Variants in ANKRD11 observed in about 807,000 individuals in gnomAD.
ANKRD11 encodes the protein ankyrin repeat domain 11.
Under a neutral mutation model 195.7 loss-of-function variants are expected in ANKRD11, and 17 were observed. The observed-to-expected ratio is 0.09, with a 90% CI of 0.06 to 0.13. The LOEUF (loss-of-function observed/expected upper bound fraction) is 0.13. Among genes scored for constraint, ANKRD11 ranks in the 10% least tolerant of loss-of-function variants. The pLI, the probability that ANKRD11 is intolerant of heterozygous loss-of-function variation, is 1.00. For synonymous variants in ANKRD11, 1,953 were observed against 1,528.1 expected (o/e 1.28, Z -6.49); for missense variants, 3,735 against 3,566.1 (o/e 1.05, Z -1.21).
At chr16:89,307,022 G>C (rs1227689899) in intron 3 of ANKRD11, among the ~76,000 whole-genome samples, 1 of 150,816 alleles carries the variant, frequency 6.6e-6, no homozygotes, top group Non-Finnish European at 1.5e-5. Context: ...GGAGGGGGCA[G>C]TGTGACACAC....
At chr16:89,355,306 A>G (rs998713267) in intron 2 of ANKRD11, among the ~76,000 whole-genome samples, 1 of 152,108 alleles carries the variant, frequency 6.6e-6, no homozygotes, top group Non-Finnish European at 1.5e-5. Flanking sequence ...AGGCGGGCGG[A>G]CGGCTCACAC....
intron 1 of ANKRD11, among the ~76,000 whole-genome samples, chr16:89,484,622 T>A (rs2057546345): frequency 6.6e-6 from 1 of 152,030 alleles, no homozygotes; most frequent in African/African-American, 2.4e-5. Context: ...AGAAAAGAGG[T>A]TTATTTGCTA....
intron 1 of ANKRD11, among the ~76,000 whole-genome samples, chr16:89,459,766 G>C (rs1050307877): frequency 2.2e-4 from 34 of 151,974 alleles, no homozygotes; most frequent in African/African-American, 8.2e-4. Context: ...CCAGCCCCAT[G>C]TCTACAAACA....
chr16:89,445,279 T>C (rs2043733989), intron 1 of ANKRD11, among the ~76,000 whole-genome samples: 1 of 152,252 alleles, frequency 6.6e-6, no homozygotes, highest in Admixed American at 6.5e-5. Context: ...AGCTGTTTTC[T>C]TTAACTAATA....
At position 89,345,773 on chromosome 16, in the gene ANKRD11, T is replaced by C. The variant is rs76458875; in HGVS notation, c.-59-28695A>G. On this transcript the variant is annotated intron_variant, in intron 2 of 12. Coordinates refer to ENST00000301030, the MANE Select transcript of ANKRD11 (RefSeq NM_013275.6). ...CCAGGTGCATGCTGTGCACACCAGG[T>C]ACATGCTGTGCACACCAGGCTGGGC... Among the ~76,000 whole-genome samples the C allele has an allele frequency of 9.0e-3, 1,363 of 152,232 alleles. 24 individuals are homozygous for C. Among genetic ancestry groups the C allele is most frequent in the African/African-American group, 0.031 (1,305 of 41,528 alleles).
Position 89,283,919 on chromosome 16 carries a change from T to C in ANKRD11, c.2623A>G (p.Lys875Glu), listed in dbSNP as rs1437461434. The change falls in exon 9 of 13, where the codon AAG becomes GAG. Residue 875 changes from lysine (K) to glutamate (E), a missense_variant. Lys to Glu is a moderately conservative substitution (Grantham distance 56, BLOSUM62 1). Coordinates refer to ENST00000301030, the MANE Select transcript of ANKRD11 (RefSeq NM_013275.6). The surrounding 1 kb of genome is among the most constrained non-coding windows in gnomAD (Gnocchi z 4.3). ...TCCTTCACCGTCTCCAAGATGAGCT[T>C]GGCCACAGAGTCGCTCTTCATGTCC... ...YRDMKSDSVA[K>E]LILETVKEDS... 1.2e-6 allele frequency: 2 copies of C among 1,614,160 alleles called. No individual in the cohort carries two copies. The highest frequency in any genetic ancestry group is 1.7e-6 in the Non-Finnish European group (2 of 1,180,038).
Position 89,290,682 on chromosome 16 carries a change from G to A in ANKRD11, c.544C>T (p.Arg182Trp), listed in dbSNP as rs775895222. ...LHRAAIRGDARRIKELISEGA... is the reference protein window; with the variant it reads ...LHRAAIRGDAWRIKELISEGA... Reference sequence around the variant, plus strand: ...TCGCTGATGAGCTCTTTGATGCGCCGGGCGTCCCCGCGGATGGCGGCTCGG... The same window carrying A: ...TCGCTGATGAGCTCTTTGATGCGCCAGGCGTCCCCGCGGATGGCGGCTCGG... The change falls in exon 6 of 13, where the codon CGG becomes TGG. Residue 182 changes from arginine (R) to tryptophan (W), a missense_variant. Coordinates refer to ENST00000301030, the MANE Select transcript of ANKRD11 (RefSeq NM_013275.6). 14 of 1,613,824 alleles carry A rather than the reference G, an allele frequency of 8.7e-6. No homozygotes were observed. The highest frequency in any genetic ancestry group is 5.3e-5 in the African/African-American group (4 of 74,916).
At chr16:89,459,034 G>T (rs116068457) in intron 1 of ANKRD11, 15 of 158,464 alleles carry the variant, frequency 9.5e-5, no homozygotes, top group Non-Finnish European at 1.4e-5. Context: ...TACTAAACAA[G>T]GGAAGACTGT....
At chr16:89,393,314 A>G (rs376052354) in intron 2 of ANKRD11, among the ~76,000 whole-genome samples, 1 of 139,280 alleles carries the variant, frequency 7.2e-6, no homozygotes, top group Non-Finnish European at 1.6e-5. Flanking sequence ...TTTTATTTTT[A>G]TTTTTTTTTT....
rs539400923 is a variant in ANKRD11, at chr16:89,469,141, C to T, written c.-145+21104G>A. Among the ~76,000 whole-genome samples, 3 of 151,922 alleles carry T rather than the reference C, an allele frequency of 2.0e-5. No individual in the cohort carries two copies. The South Asian group carries it at 6.3e-4, about 32-fold the overall frequency. ...GAGCCTGCAGTGAGCCACCACTGCACTGCACTTCAGCTTGGGCCACAGGGC... is the reference window on the plus strand; with the variant it reads ...GAGCCTGCAGTGAGCCACCACTGCATTGCACTTCAGCTTGGGCCACAGGGC... On this transcript the variant is annotated intron_variant, in intron 1 of 12. Transcript: ENST00000301030.
At chr16:89,379,115 C>T (rs186490775) in intron 2 of ANKRD11, among the ~76,000 whole-genome samples, 8 of 152,334 alleles carry the variant, frequency 5.3e-5, no homozygotes, top group Non-Finnish European at 1.0e-4. Flanking sequence ...CCAGGAAGGC[C>T]TTTCTCACTG....
chr16:89,348,816 T>G (rs2039061212), intron 2 of ANKRD11, among the ~76,000 whole-genome samples: 1 of 151,708 alleles, frequency 6.6e-6, no homozygotes, highest in Non-Finnish European at 1.5e-5. Flanking sequence ...ACTAAAAATT[T>G]GTTGCTTCTT....
At chr16:89,390,669 G>T (rs1434144195) in intron 2 of ANKRD11, among the ~76,000 whole-genome samples, 1 of 152,104 alleles carries the variant, frequency 6.6e-6, no homozygotes, top group African/African-American at 2.4e-5. Flanking sequence ...AGGCAAAAGG[G>T]ACGACAGGTT....
intron 1 of ANKRD11, among the ~76,000 whole-genome samples, chr16:89,470,213 G>A (rs755819559): frequency 2.0e-5 from 3 of 151,922 alleles, no homozygotes; most frequent in East Asian, 1.9e-4. Flanking sequence ...TAATGTCACC[G>A]GCCTATAATC....
chr16:89,401,352 C>T (rs574272138), intron 2 of ANKRD11, among the ~76,000 whole-genome samples: 17 of 152,244 alleles, frequency 1.1e-4, no homozygotes, highest in Non-Finnish European at 2.5e-4. Context: ...GCTGGGATTA[C>T]AGCACGAGCC....
At chr16:89,425,014 G>C (rs2042661048) in intron 1 of ANKRD11, among the ~76,000 whole-genome samples, 1 of 151,724 alleles carries the variant, frequency 6.6e-6, no homozygotes, top group Non-Finnish European at 1.5e-5. Flanking sequence ...AAGAGAGGAG[G>C]AGACTGGCCG....
intron 9 of ANKRD11, among the ~76,000 whole-genome samples, chr16:89,276,084 A>G (rs1463508106): frequency 6.6e-6 from 1 of 152,206 alleles, no homozygotes; most frequent in Non-Finnish European, 1.5e-5. Flanking sequence ...GACCAGCTGG[A>G]ACATCGAGGG....
intron 1 of ANKRD11, among the ~76,000 whole-genome samples, chr16:89,472,533 T>G (rs1276848508): frequency 6.6e-6 from 1 of 152,184 alleles, no homozygotes; most frequent in African/African-American, 2.4e-5. Flanking sequence ...TTTATTGATT[T>G]ATTTGAGATG....
At chr16:89,397,860 C>T (rs2041514101) in intron 2 of ANKRD11, among the ~76,000 whole-genome samples, 1 of 152,248 alleles carries the variant, frequency 6.6e-6, no homozygotes, top group East Asian at 1.9e-4. Flanking sequence ...ACCACCAGCA[C>T]ACAAACCTTC....
Sources: allele counts gnomAD v4.1 joint callset (sites outside exome capture counted in the v4.1 genomes callset), GRCh38; gene constraint gnomAD v4.1.1; non-coding constraint Gnocchi (gnomAD v3.1); transcripts MANE v1.5; gene names NCBI Gene and HGNC (gene_info 2026-07-23, HGNC 2026-07-21).